Variants in PCDH11X observed in about 807,000 individuals in gnomAD.
PCDH11X encodes the protein protocadherin-11 X-linked.
PCDH11X carries 18 observed loss-of-function variants against 53.3 expected under a neutral mutation model. That is an observed-to-expected ratio of 0.34 (90% CI 0.23 to 0.50). PCDH11X has a LOEUF of 0.50. Among genes scored for constraint, PCDH11X ranks in the 20% least tolerant of loss-of-function variants. The pLI, the probability that PCDH11X is intolerant of heterozygous loss-of-function variation, is 0.98. For missense variants in PCDH11X, 570 were observed against 1,032.4 expected (o/e 0.55, Z 6.14); for synonymous variants, 279 against 393.3 (o/e 0.71, Z 3.44).
chrX:92,042,061 C>T (rs776216833), intron 6 of PCDH11X, among the ~76,000 whole-genome samples: 1 of 111,414 alleles, frequency 9.0e-6, no homozygotes, highest in Non-Finnish European at 1.9e-5. Flanking sequence ...AGTATAAAAT[C>T]CTAAAACAAC....
intron 6 of PCDH11X, among the ~76,000 whole-genome samples, chrX:92,058,927 C>A (rs1349495593): frequency 9.0e-6 from 1 of 111,227 alleles, no homozygotes; most frequent in African/African-American, 3.3e-5. Context: ...CAATGGTTTA[C>A]ACTGGTCATT....
chrX:92,155,695 C>T (rs2065519882), intron 6 of PCDH11X, among the ~76,000 whole-genome samples: 3 of 103,674 alleles, frequency 2.9e-5, no homozygotes, highest in Admixed American at 1.1e-4. Context: ...GGCGCCATCT[C>T]GGCTCACTGC....
intron 6 of PCDH11X, among the ~76,000 whole-genome samples, chrX:91,989,150 A>G (rs1177699788): frequency 9.0e-6 from 1 of 110,847 alleles, no homozygotes; most frequent in East Asian, 2.8e-4. Context: ...GTGATACTAG[A>G]AGGCCTCAAG....
At chrX:92,094,131 ATATGTG>A (rs775193493) in intron 6 of PCDH11X, among the ~76,000 whole-genome samples, 31 of 55,543 alleles carry the variant, frequency 5.6e-4, no homozygotes, top group African/African-American at 1.7e-3. Flanking sequence ...CAAAAAAGTA[ATATGTG>A]TGTGTGTGTG....
At chrX:92,470,511 T>C (rs1001689417) in intron 10 of PCDH11X, among the ~76,000 whole-genome samples, 1 of 107,805 alleles carries the variant, frequency 9.3e-6, no homozygotes, top group African/African-American at 3.4e-5. Flanking sequence ...ACAGTGGTCC[T>C]CCTTATCATG....
At chrX:92,569,887 G>A (rs181451137) in intron 10 of PCDH11X, 21 of 117,953 alleles carry the variant, frequency 1.8e-4, no homozygotes, top group African/African-American at 5.1e-4. Context: ...GTGGTAGTGC[G>A]CACCTGTAAT....
chrX:92,269,269 A>G (rs1195561510), intron 8 of PCDH11X, among the ~76,000 whole-genome samples: 1 of 111,796 alleles, frequency 8.9e-6, no homozygotes, highest in East Asian at 2.8e-4. Context: ...TTCCAACTGT[A>G]GATTACCCTT....
chrX:92,256,471 G>A (rs990833599), intron 7 of PCDH11X, among the ~76,000 whole-genome samples: 8 of 110,776 alleles, frequency 7.2e-5, no homozygotes, highest in East Asian at 5.7e-4. Flanking sequence ...TCCTCCCTCC[G>A]GTTTGTGTAC....
chrX:92,570,562 T>C (rs1422564396), intron 10 of PCDH11X, among the ~76,000 whole-genome samples: 1 of 103,271 alleles, frequency 9.7e-6, no homozygotes, highest in Admixed American at 1.1e-4. Context: ...CTGATCATTA[T>C]AGCATTAGGG....
At chrX:92,047,030 G>GA (rs2063300243) in intron 6 of PCDH11X, among the ~76,000 whole-genome samples, 1 of 86,244 alleles carries the variant, frequency 1.2e-5, no homozygotes, top group Non-Finnish European at 2.0e-5. Context: ...ATGCTTACAT[G>GA]AAAAAATAAA....
At chrX:92,405,937 T>C (rs1049312452) in intron 9 of PCDH11X, among the ~76,000 whole-genome samples, 2 of 108,888 alleles carry the variant, frequency 1.8e-5, no homozygotes, top group Non-Finnish European at 1.9e-5. Flanking sequence ...TACTAAAAAA[T>C]ACAAAAAATT....
chrX:91,781,412 G>T (rs1376931892), intron 1 of PCDH11X, among the ~76,000 whole-genome samples: 2 of 112,132 alleles, frequency 1.8e-5, no homozygotes, highest in African/African-American at 6.5e-5. Context: ...AGCATGCAGA[G>T]AATTCCGAAC....
intron 6 of PCDH11X, among the ~76,000 whole-genome samples, chrX:92,032,405 A>G (rs1331015299): frequency 1.8e-5 from 2 of 111,156 alleles, no homozygotes; most frequent in African/African-American, 6.6e-5. Context: ...TTTTCCAAGT[A>G]TAAGATCATA....
chrX:92,605,939 C>T (rs1420261104), intron 10 of PCDH11X, among the ~76,000 whole-genome samples: 4 of 110,478 alleles, frequency 3.6e-5, no homozygotes, highest in Non-Finnish European at 5.7e-5. Flanking sequence ...AGAAATAAGA[C>T]GCTAATCTGG....
intron 10 of PCDH11X, among the ~76,000 whole-genome samples, chrX:92,493,467 T>C (rs1207295191): frequency 1.0e-5 from 1 of 95,398 alleles, no homozygotes; most frequent in African/African-American, 4.1e-5. Flanking sequence ...GGGCAGTTCA[T>C]ACATCTTTTT....
At chrX:92,252,931 T>G (rs2067488069) in intron 7 of PCDH11X, among the ~76,000 whole-genome samples, 1 of 110,721 alleles carries the variant, frequency 9.0e-6, no homozygotes, top group Admixed American at 9.7e-5. Flanking sequence ...CAAAAGTCCC[T>G]AATGCTTGTG....
intron 10 of PCDH11X, among the ~76,000 whole-genome samples, chrX:92,508,767 A>G (rs2074113193): frequency 1.8e-5 from 2 of 109,106 alleles, no homozygotes; most frequent in Admixed American, 9.9e-5. Flanking sequence ...TATATTTCTA[A>G]ATTGCCTGAA....
chrX:91,902,889 A>G (rs1370180822), intron 6 of PCDH11X, among the ~76,000 whole-genome samples: 2 of 109,396 alleles, frequency 1.8e-5, no homozygotes, highest in African/African-American at 6.6e-5. Flanking sequence ...CTGACTTTAC[A>G]TTTAAAATAT....
In PCDH11X at chrX:92,220,560, A is replaced by G. The variant is rs771701155; in HGVS notation, c.3114+19105A>G. ...AAAGTCAGGAAACAACAGGTGCTGG[A>G]GAGGATGTGGAGAAATAGGAACACT... On this transcript the variant is annotated intron_variant, in intron 7 of 10. Transcript: ENST00000682573. 3.6e-5 allele frequency among the ~76,000 whole-genome samples: 4 copies of G among 110,392 alleles called. No homozygotes were observed. The East Asian group carries it at 1.2e-3, about 32-fold the overall frequency.
Sources: allele counts gnomAD v4.1 joint callset (sites outside exome capture counted in the v4.1 genomes callset), GRCh38; gene constraint gnomAD v4.1.1; transcripts MANE v1.5; gene names NCBI Gene and HGNC (gene_info 2026-07-23, HGNC 2026-07-21).